Variants in FAT3 observed in about 807,000 individuals in gnomAD.
FAT3 encodes FAT atypical cadherin 3.
In FAT3, 95 loss-of-function variants were observed where a neutral mutation model predicts 310.2. The ratio of observed to expected loss-of-function variants is 0.31; its 90% CI spans 0.26 to 0.36. The LOEUF (loss-of-function observed/expected upper bound fraction) is 0.36, where lower values mean the gene tolerates loss of function less well. FAT3 is among the 10% of genes least tolerant of loss of function. The probability of loss-of-function intolerance (pLI) is 1.00; values close to 1 mark genes in which losing one functional copy is unlikely to be tolerated. For missense variants in FAT3, 5,408 were observed against 5,715.6 expected (o/e 0.95, Z 1.74); for synonymous variants, 2,314 against 2,192.9 (o/e 1.06, Z -1.54).
chr11:92,662,450 C>T (rs937209778), intron 3 of FAT3, among the ~76,000 whole-genome samples: 1 of 152,100 alleles, frequency 6.6e-6, no homozygotes. Flanking sequence ...GAGGTTGAGC[C>T]ATGTTGTTTT....
chr11:92,444,698 A>T (rs898371550), intron 2 of FAT3, among the ~76,000 whole-genome samples: 19 of 150,854 alleles, frequency 1.3e-4, no homozygotes, highest in African/African-American at 4.4e-4. Context: ...TTATTTTCTT[A>T]GAAGCACACT....
At chr11:92,727,468 G>A (rs1376046244) in intron 4 of FAT3, among the ~76,000 whole-genome samples, 1 of 152,078 alleles carries the variant, frequency 6.6e-6, no homozygotes, top group African/African-American at 2.4e-5. Flanking sequence ...GGTATGAAAT[G>A]AGAGTGTCTG....
At chr11:92,342,282 G>C (rs937472413) in intron 1 of FAT3, among the ~76,000 whole-genome samples, 1 of 151,984 alleles carries the variant, frequency 6.6e-6, no homozygotes, top group African/African-American at 2.4e-5. Context: ...GCAGCTCTAC[G>C]TATGCCCAAG....
chr11:92,580,567 TCTC>T (rs537771010), intron 3 of FAT3, among the ~76,000 whole-genome samples: 1 of 152,210 alleles, frequency 6.6e-6, no homozygotes, highest in East Asian at 1.9e-4. Context: ...CTTTAATCCT[TCTC>T]CTTTTGATCA....
chr11:92,823,259 A>G (rs1948017944), intron 13 of FAT3, among the ~76,000 whole-genome samples: 1 of 152,220 alleles, frequency 6.6e-6, no homozygotes, highest in African/African-American at 2.4e-5. Context: ...CAGACATTCC[A>G]TGTACCAATA....
intron 2 of FAT3, among the ~76,000 whole-genome samples, chr11:92,405,881 G>T (rs1199485105): frequency 6.6e-6 from 1 of 152,202 alleles, no homozygotes; most frequent in Non-Finnish European, 1.5e-5. Context: ...TAGGCAATTT[G>T]TAGAAATTTA....
chr11:92,360,911 G>A (rs369019923), intron 2 of FAT3, among the ~76,000 whole-genome samples: 9 of 152,134 alleles, frequency 5.9e-5, no homozygotes, highest in African/African-American at 2.2e-4. Flanking sequence ...CTAGTGTAAT[G>A]GACTCAAAAT....
At chr11:92,328,770 T>A (rs1447573055) in intron 1 of FAT3, among the ~76,000 whole-genome samples, 1 of 152,182 alleles carries the variant, frequency 6.6e-6, no homozygotes, top group Non-Finnish European at 1.5e-5. Context: ...ATTACCACCT[T>A]TTTGGCTTTC....
intron 2 of FAT3, among the ~76,000 whole-genome samples, chr11:92,512,840 CGGCCGGGCGCGGTGGCTCACGCCTGTAA>C (rs1953344027): frequency 2.0e-5 from 2 of 99,576 alleles, no homozygotes; most frequent in South Asian, 3.3e-4. Context: ...TTAAGATTAT[CGGCCGGGCGCGGTGGCTCACGCCTGTAA>C]TCCCAGCACT....
chr11:92,292,857 T>G lies in FAT3; in HGVS notation c.-17-59239T>G, dbSNP rs533439113. 1.5e-3 allele frequency among the ~76,000 whole-genome samples: 231 copies of G among 152,144 alleles called. 1 individual carries two copies. Among genetic ancestry groups the G allele is most frequent in the Non-Finnish European group, 2.5e-3 (169 of 67,972 alleles). ...ACATCCCAAACACTTCTGAATAAAA[T>G]AAGCTCTCAGTTGGATTTGCTGGTT... is the stretch of plus-strand genomic sequence containing the variant. On this transcript the variant is annotated intron_variant, in intron 1 of 27. Transcript: ENST00000525166.
intron 22 of FAT3, among the ~76,000 whole-genome samples, chr11:92,870,555 A>G (rs2136363705): frequency 6.6e-6 from 1 of 152,256 alleles, no homozygotes; most frequent in East Asian, 1.9e-4. Context: ...TGATCCCTGC[A>G]TTTCCAGATG....
chr11:92,641,221 T>C (rs1941952072), intron 3 of FAT3, among the ~76,000 whole-genome samples: 2 of 152,184 alleles, frequency 1.3e-5, no homozygotes, highest in South Asian at 4.1e-4. Flanking sequence ...ATGTTCACCA[T>C]ATACTATGCA....
intron 2 of FAT3, among the ~76,000 whole-genome samples, chr11:92,447,222 CGTGTGTGTGTGT>C (rs34833885): frequency 4.1e-5 from 6 of 146,398 alleles, no homozygotes; most frequent in African/African-American, 1.3e-4. Flanking sequence ...TATATGTGTG[CGTGTGTGTGTGT>C]GTGTGTGTGT....
intron 2 of FAT3, among the ~76,000 whole-genome samples, chr11:92,432,893 C>G (rs181539929): frequency 6.6e-6 from 1 of 152,290 alleles, no homozygotes; most frequent in Admixed American, 6.5e-5. Context: ...CTATAAGCCC[C>G]TAACTGGGGC....
intron 1 of FAT3, among the ~76,000 whole-genome samples, chr11:92,317,500 C>T (rs1947495422): frequency 6.6e-6 from 1 of 152,148 alleles, no homozygotes; most frequent in Non-Finnish European, 1.5e-5. Flanking sequence ...ATGTATAGAA[C>T]TGGCTGTGCA....
chr11:92,894,702 T>G lies in FAT3; in HGVS notation c.*3589T>G, dbSNP rs1426853954. On this transcript the variant is annotated 3_prime_UTR_variant, in exon 28 of 28. Transcript: ENST00000525166. ...GCTGCATTCTAGTCTATGCCAGCTT[T>G]CCATGTACCCTTGGCCTGCCTATTC... 6.6e-6 allele frequency: 1 copy of G among 152,224 alleles called. No individual in the cohort carries two copies. Among genetic ancestry groups the G allele is most frequent in the East Asian group, 1.9e-4 (1 of 5,198 alleles). The allele number at this position is 152,224 out of a possible 1,614,324, so 9.4% of individuals were successfully genotyped here.
At chr11:92,355,891 A>C (rs991104187) in intron 2 of FAT3, among the ~76,000 whole-genome samples, 9 of 152,174 alleles carry the variant, frequency 5.9e-5, no homozygotes, top group Non-Finnish European at 1.3e-4. Flanking sequence ...TCATGGGTTC[A>C]TCTGGTCCTT....
At chr11:92,295,372 G>A (rs2134408509) in intron 1 of FAT3, among the ~76,000 whole-genome samples, 1 of 152,212 alleles carries the variant, frequency 6.6e-6, no homozygotes, top group Middle Eastern at 3.4e-3. Flanking sequence ...GGATTATTGG[G>A]AGTCACCATG....
intron 2 of FAT3, among the ~76,000 whole-genome samples, chr11:92,509,628 T>C (rs1447613728): frequency 6.6e-6 from 1 of 152,136 alleles, no homozygotes; most frequent in African/African-American, 2.4e-5. Flanking sequence ...ATTGGACTAG[T>C]GGGCAAGTGG....
Sources: allele counts gnomAD v4.1 joint callset (sites outside exome capture counted in the v4.1 genomes callset), GRCh38; gene constraint gnomAD v4.1.1; transcripts MANE v1.5; gene names NCBI Gene and HGNC (gene_info 2026-07-23, HGNC 2026-07-21).